FSTL5: variants seen among roughly 807,000 people sequenced by gnomAD.
The protein encoded by FSTL5 is follistatin-related protein 5.
FSTL5 carries 62 observed loss-of-function variants against 89.1 expected under a neutral mutation model. The observed-to-expected ratio is 0.70, with a 90% CI of 0.57 to 0.86. The LOEUF (loss-of-function observed/expected upper bound fraction) is 0.86. Among genes scored for constraint, FSTL5 ranks in the 40% least tolerant of loss-of-function variants. The probability of loss-of-function intolerance (pLI) is 0.00; values close to 1 mark genes in which losing one functional copy is unlikely to be tolerated. For synonymous variants in FSTL5, 383 were observed against 346.2 expected (o/e 1.11, Z -1.18); for missense variants, 1,057 against 1,001.6 (o/e 1.06, Z -0.75).
At chr4:161,740,780 C>G (rs1420246124) in intron 6 of FSTL5, among the ~76,000 whole-genome samples, 1 of 152,124 alleles carries the variant, frequency 6.6e-6, no homozygotes, top group African/African-American at 2.4e-5. Context: ...TAGTGTATGT[C>G]TTAGTCTGTT....
At chr4:161,595,430 G>C (rs1044117802) in intron 7 of FSTL5, among the ~76,000 whole-genome samples, 1 of 152,030 alleles carries the variant, frequency 6.6e-6, no homozygotes, top group African/African-American at 2.4e-5. Context: ...CACCATTACA[G>C]AGTTGCCTTA....
At chr4:161,829,788 T>A (rs553573472) in intron 4 of FSTL5, among the ~76,000 whole-genome samples, 81 of 152,200 alleles carry the variant, frequency 5.3e-4, no homozygotes, top group African/African-American at 1.8e-3. Context: ...CCACCTGCCT[T>A]TACACAAGCA....
chr4:161,572,825 G>C (rs930183284), intron 8 of FSTL5, among the ~76,000 whole-genome samples: 1 of 152,124 alleles, frequency 6.6e-6, no homozygotes, highest in Non-Finnish European at 1.5e-5. Flanking sequence ...TGTAGGAGAA[G>C]TGAGAAATAA....
At chr4:162,103,709 G>C (rs1373406631) in intron 2 of FSTL5, among the ~76,000 whole-genome samples, 1 of 152,200 alleles carries the variant, frequency 6.6e-6, no homozygotes, top group Non-Finnish European at 1.5e-5. Context: ...CCTACTGAGA[G>C]ACAGGACTAG....
chr4:161,453,393 C>A (rs1733240135), intron 15 of FSTL5, among the ~76,000 whole-genome samples: 1 of 151,928 alleles, frequency 6.6e-6, no homozygotes, highest in Non-Finnish European at 1.5e-5. Context: ...ACACCAATTG[C>A]CAATTACATT....
At chr4:161,565,905 G>T (rs1732782448) in intron 8 of FSTL5, among the ~76,000 whole-genome samples, 1 of 150,906 alleles carries the variant, frequency 6.6e-6, no homozygotes, top group Admixed American at 6.6e-5. Flanking sequence ...TTTATATGAT[G>T]ACCTGTTTTT....
intron 6 of FSTL5, among the ~76,000 whole-genome samples, chr4:161,670,042 GA>G (rs201372420): frequency 6.6e-5 from 10 of 151,486 alleles, no homozygotes; most frequent in Non-Finnish European, 1.2e-4. Context: ...TGTTTGATTT[GA>G]AAAAAAAGAC....
At chr4:161,807,196 T>TACAC (rs10561299) in intron 4 of FSTL5, among the ~76,000 whole-genome samples, 4,435 of 146,596 alleles carry the variant, frequency 0.03, 127 homozygotes, top group African/African-American at 0.077. Flanking sequence ...CACATGAGAA[T>TACAC]ACACACACAC....
At chr4:161,436,807 G>T (rs1000260437) in intron 15 of FSTL5, among the ~76,000 whole-genome samples, 1 of 152,154 alleles carries the variant, frequency 6.6e-6, no homozygotes, top group Non-Finnish European at 1.5e-5. Context: ...GCTCTTGCTT[G>T]CAATAGAGAA....
chr4:161,938,426 AG>A, intron 3 of FSTL5, among the ~76,000 whole-genome samples: 1 of 152,246 alleles, frequency 6.6e-6, no homozygotes, highest in Admixed American at 6.5e-5. Context: ...GCCATTTAAA[AG>A]TTATATATAA....
chr4:161,599,321 A>G (rs1734145810), intron 7 of FSTL5, among the ~76,000 whole-genome samples: 1 of 152,204 alleles, frequency 6.6e-6, no homozygotes, highest in East Asian at 1.9e-4. Flanking sequence ...CATGTAGCAC[A>G]ATGAAAAGTC....
chr4:161,683,450 G>A (rs781733362), intron 6 of FSTL5, among the ~76,000 whole-genome samples: 5 of 152,004 alleles, frequency 3.3e-5, no homozygotes, highest in Admixed American at 6.6e-5. Context: ...AGCAAGGACA[G>A]TATTAATGAA....
intron 8 of FSTL5, among the ~76,000 whole-genome samples, chr4:161,575,028 A>G (rs558967072): frequency 6.6e-6 from 1 of 152,216 alleles, no homozygotes; most frequent in African/African-American, 2.4e-5. Flanking sequence ...TGACTTTTTA[A>G]TAATCGCCAT....
At chr4:161,852,936 G>A (rs113067460) in intron 4 of FSTL5, among the ~76,000 whole-genome samples, 2,235 of 152,150 alleles carry the variant, frequency 0.015, 29 homozygotes, top group Non-Finnish European at 0.022. Flanking sequence ...AACCACGATG[G>A]CACACATTTA....
At chr4:161,451,865 C>G (rs574467888) in intron 15 of FSTL5, among the ~76,000 whole-genome samples, 5 of 152,226 alleles carry the variant, frequency 3.3e-5, no homozygotes, top group Admixed American at 1.3e-4. Context: ...CTATGAGAAA[C>G]ATAAATTAAG....
At position 161,574,333 on chromosome 4, in the gene FSTL5, C is replaced by G. The variant is rs1305804327; in HGVS notation, c.1015+13122G>C. On this transcript the variant is annotated intron_variant, in intron 8 of 15. Coordinates refer to ENST00000306100, the MANE Select transcript of FSTL5 (RefSeq NM_020116.5). The stretch of plus-strand genomic sequence containing the variant: ...ACTACAAAACATGACTTTCCTTTTT[C>G]TTTTTTTTTTCTTTTTTTTTTTTAA... Among the ~76,000 whole-genome samples the G allele has an allele frequency of 2.5e-4, 35 of 142,042 alleles. No individual in the cohort carries two copies. In the East Asian group the frequency reaches 7.3e-3, roughly 30 times the overall value. 93.2% of individuals were successfully genotyped at this position (142,042 alleles called of 152,430 possible). A position where few individuals can be genotyped will look rare whatever the true frequency, so the allele number is the denominator to read the frequency against.
At chr4:161,700,639 A>T (rs1380321133) in intron 6 of FSTL5, among the ~76,000 whole-genome samples, 1 of 152,222 alleles carries the variant, frequency 6.6e-6, no homozygotes. Flanking sequence ...GGCCTCCCAA[A>T]GTGCTGGGAT....
At chr4:161,718,735 C>T (rs1416598641) in intron 6 of FSTL5, among the ~76,000 whole-genome samples, 1 of 152,050 alleles carries the variant, frequency 6.6e-6, no homozygotes, top group Non-Finnish European at 1.5e-5. Context: ...GCCTGAAATA[C>T]ACATTTTAAT....
chr4:162,014,449 T>C (rs191800831), intron 3 of FSTL5, among the ~76,000 whole-genome samples: 173 of 152,200 alleles, frequency 1.1e-3, no homozygotes, highest in African/African-American at 4.0e-3. Flanking sequence ...TGAAAGAACT[T>C]AGCTTGTATT....
Sources: allele counts gnomAD v4.1 joint callset (sites outside exome capture counted in the v4.1 genomes callset), GRCh38; gene constraint gnomAD v4.1.1; transcripts MANE v1.5; gene names NCBI Gene and HGNC (gene_info 2026-07-23, HGNC 2026-07-21).